Variants in CNTNAP2 observed in about 807,000 individuals in gnomAD.
The protein encoded by CNTNAP2 is contactin-associated protein-like 2.
A neutral mutation model predicts 155.2 loss-of-function variants in CNTNAP2; 98 were observed. That is an observed-to-expected ratio of 0.63 (90% confidence interval 0.54 to 0.75). The LOEUF is 0.75. Ranked by LOEUF, CNTNAP2 falls within the 30% of genes least tolerant of loss-of-function variation. The probability of loss-of-function intolerance (pLI) is 0.00; values close to 1 mark genes in which losing one functional copy is unlikely to be tolerated. For synonymous variants in CNTNAP2, 651 were observed against 631.2 expected (o/e 1.03, Z -0.47); for missense variants, 1,727 against 1,688.1 (o/e 1.02, Z -0.40).
Position 148,055,611 on chromosome 7 carries a change from T to A in CNTNAP2, c.2384-62507T>A, listed in dbSNP as rs554692895. 9.2e-5 allele frequency among the ~76,000 whole-genome samples: 14 copies of A among 152,332 alleles called. No homozygotes were observed. In the South Asian group the frequency reaches 2.9e-3, roughly 32 times the overall value. ...AACCTAGTGAGATCTAAATATATAT[T>A]AGCTACATCTATTATTATGTTTATA... On this transcript the variant is annotated intron_variant, in intron 15 of 23. Coordinates refer to ENST00000361727, the MANE Select transcript of CNTNAP2 (RefSeq NM_014141.6).
intron 1 of CNTNAP2, among the ~76,000 whole-genome samples, chr7:146,676,445 G>A (rs138770880): frequency 1.3e-5 from 1 of 75,780 alleles, no homozygotes; most frequent in Non-Finnish European, 4.2e-5. Flanking sequence ...AAGTGTTTGT[G>A]TTCTTTTTTT....
chr7:148,024,674 C>T (rs920788717), intron 15 of CNTNAP2, among the ~76,000 whole-genome samples: 16 of 152,164 alleles, frequency 1.1e-4, no homozygotes, highest in African/African-American at 3.6e-4. Context: ...ACACTATAAC[C>T]CAACTAATAT....
At chr7:147,292,237 C>T (rs1383223109) in intron 8 of CNTNAP2, among the ~76,000 whole-genome samples, 2 of 152,100 alleles carry the variant, frequency 1.3e-5, no homozygotes, top group Non-Finnish European at 2.9e-5. Flanking sequence ...GTCAAAAATA[C>T]ATCTTCTCTG....
intron 9 of CNTNAP2, among the ~76,000 whole-genome samples, chr7:147,360,509 C>A (rs943958518): frequency 6.6e-6 from 1 of 152,092 alleles, no homozygotes; most frequent in South Asian, 2.1e-4. Flanking sequence ...GTAATTGATA[C>A]CATTGGCTTA....
intron 21 of CNTNAP2, among the ~76,000 whole-genome samples, chr7:148,339,890 G>A (rs1405537408): frequency 1.3e-5 from 2 of 152,054 alleles, no homozygotes; most frequent in Non-Finnish European, 2.9e-5. Context: ...TGCATTCGAA[G>A]CACTACCAAG....
At position 148,415,875 on chromosome 7, in the gene CNTNAP2, A is replaced by C. The variant is rs1799975703; in HGVS notation, c.*259A>C. On this transcript the variant is annotated 3_prime_UTR_variant, in exon 24 of 24. Coordinates refer to ENST00000361727, the MANE Select transcript of CNTNAP2 (RefSeq NM_014141.6). Reference sequence around the variant, plus strand: ...AAAAAATGCTTTTAGAGTTTAAGCAATGGTTGAAATTTGTAGGTACTATCT... The same window carrying C: ...AAAAAATGCTTTTAGAGTTTAAGCACTGGTTGAAATTTGTAGGTACTATCT... 1.4e-5 allele frequency: 8 copies of C among 571,268 alleles called. No individual in the cohort carries two copies. The East Asian group carries it at 1.5e-4, about 10-fold the overall frequency. The allele number at this position is 571,268 out of a possible 1,614,324, so 35.4% of individuals were successfully genotyped here. A position where few individuals can be genotyped will look rare whatever the true frequency, so the allele number is the denominator to read the frequency against.
intron 6 of CNTNAP2, among the ~76,000 whole-genome samples, chr7:147,127,586 A>T (rs539908312): frequency 6.6e-6 from 1 of 152,134 alleles, no homozygotes; most frequent in African/African-American, 2.4e-5. Context: ...CACCCCATCA[A>T]ACATGCTCTG....
chr7:147,767,584 A>T (rs2116530078), intron 13 of CNTNAP2, among the ~76,000 whole-genome samples: 1 of 152,188 alleles, frequency 6.6e-6, no homozygotes, highest in East Asian at 1.9e-4. Context: ...ATTATTGTTT[A>T]TAGGGCTGTG....
intron 14 of CNTNAP2, among the ~76,000 whole-genome samples, chr7:147,947,443 C>A (rs1333251381): frequency 1.6e-5 from 2 of 121,304 alleles, no homozygotes; most frequent in Non-Finnish European, 3.4e-5. Flanking sequence ...CATAGGGAGA[C>A]CCTGTCTCTA....
intron 1 of CNTNAP2, among the ~76,000 whole-genome samples, chr7:146,363,202 A>T (rs142609624): frequency 6.6e-6 from 1 of 152,346 alleles, no homozygotes; most frequent in East Asian, 1.9e-4. Context: ...ATAGAACTAA[A>T]GCACAGAGAG....
chr7:146,922,595 A>G (rs1201760109), intron 3 of CNTNAP2, among the ~76,000 whole-genome samples: 2 of 152,218 alleles, frequency 1.3e-5, no homozygotes, highest in Non-Finnish European at 2.9e-5. Flanking sequence ...GAGAGGCAGT[A>G]TGGAATTGCA....
intron 3 of CNTNAP2, among the ~76,000 whole-genome samples, chr7:146,960,609 T>A (rs544297654): frequency 6.6e-6 from 1 of 152,332 alleles, no homozygotes; most frequent in South Asian, 2.1e-4. Context: ...ATTCAAAAAT[T>A]TATCAACAAT....
chr7:147,067,835 G>A (rs1183747139), intron 4 of CNTNAP2, among the ~76,000 whole-genome samples: 1 of 152,150 alleles, frequency 6.6e-6, no homozygotes, highest in East Asian at 1.9e-4. Flanking sequence ...ATTCGCATTC[G>A]GTTGTTCTCT....
chr7:148,112,941 C>A (rs766578297), intron 15 of CNTNAP2, among the ~76,000 whole-genome samples: 15 of 151,086 alleles, frequency 9.9e-5, no homozygotes, highest in Admixed American at 5.3e-4. Context: ...TGGGAAGGGG[C>A]GGGAAGCAGG....
chr7:147,551,022 C>G (rs1281883891), intron 11 of CNTNAP2, among the ~76,000 whole-genome samples: 1 of 152,104 alleles, frequency 6.6e-6, no homozygotes, highest in Non-Finnish European at 1.5e-5. Context: ...TTGCATACAC[C>G]AGGCACTGTG....
chr7:146,889,165 T>C (rs1418177705), intron 3 of CNTNAP2, among the ~76,000 whole-genome samples: 1 of 152,196 alleles, frequency 6.6e-6, no homozygotes, highest in East Asian at 1.9e-4. Context: ...TCTATATTAA[T>C]TATACCTCAA....
chr7:146,423,517 C>T (rs1173209737), intron 1 of CNTNAP2, among the ~76,000 whole-genome samples: 1 of 152,136 alleles, frequency 6.6e-6, no homozygotes, highest in Non-Finnish European at 1.5e-5. Context: ...CCTACTCTTC[C>T]ATCTTGAGTA....
intron 1 of CNTNAP2, among the ~76,000 whole-genome samples, chr7:146,634,995 A>G (rs552402947): frequency 6.6e-6 from 1 of 152,314 alleles, no homozygotes; most frequent in South Asian, 2.1e-4. Flanking sequence ...AGCTACTGTT[A>G]GGAACTTAAA....
intron 1 of CNTNAP2, among the ~76,000 whole-genome samples, chr7:146,272,992 T>G (rs543512823): frequency 2.7e-5 from 4 of 147,346 alleles, no homozygotes; most frequent in Admixed American, 6.7e-5. Flanking sequence ...GCAGCACAGG[T>G]GGAGGAAGCA....
Sources: allele counts gnomAD v4.1 joint callset (sites outside exome capture counted in the v4.1 genomes callset), GRCh38; gene constraint gnomAD v4.1.1; transcripts MANE v1.5; gene names NCBI Gene and HGNC (gene_info 2026-07-23, HGNC 2026-07-21).